The following NSMCE1 variants were observed in gnomAD, a reference collection of about 807,000 sequenced individuals.
NSMCE1 encodes the protein NSE1 component of SMC5/6 complex, also known as non-structural maintenance of chromosomes element 1 homolog.
A neutral mutation model predicts 29.6 loss-of-function variants in NSMCE1; 18 were observed. The ratio of observed to expected loss-of-function variants is 0.61; its 90% CI spans 0.42 to 0.90. The LOEUF is 0.90. Among genes scored for constraint, NSMCE1 ranks in the 40% least tolerant of loss-of-function variants. NSMCE1 has a pLI of 0.00. For missense variants in NSMCE1, 314 were observed against 343.6 expected (o/e 0.91, Z 0.68); for synonymous variants, 124 against 133.4 (o/e 0.93, Z 0.49).
chr16:27,225,168 T>C lies in NSMCE1; in HGVS notation c.790A>G (p.Arg264Gly), dbSNP rs2083673690. ...GCAGGGCACGATGGCTAATGCTGCCTGGACCGCAGGGACTTTTTGTTCGAT... is the reference window on the plus strand; with the variant it reads ...GCAGGGCACGATGGCTAATGCTGCCCGGACCGCAGGGACTTTTTGTTCGAT... The part of the protein sequence containing the change: ...LKSNKKSLRS[R>G]QH Residue 264 changes from arginine to glycine, a missense_variant, in exon 8 of 8, where the codon AGG (arginine) becomes GGG (glycine). Coordinates refer to ENST00000361439, the MANE Select transcript of NSMCE1 (RefSeq NM_145080.4). 2 of 1,600,802 alleles carry C rather than the reference T, an allele frequency of 1.2e-6. No individual in the cohort carries two copies. The highest frequency in any genetic ancestry group is 1.7e-6 in the Non-Finnish European group (2 of 1,171,462).
At chr16:27,227,888 C>T (rs2083717137) in intron 5 of NSMCE1, among the ~76,000 whole-genome samples, 1 of 151,282 alleles carries the variant, frequency 6.6e-6, no homozygotes, top group African/African-American at 2.4e-5. Flanking sequence ...CGGGTTCAAG[C>T]AATTCTCCTG....
chr16:27,226,073 G>A, intron 6 of NSMCE1: 1 of 481,460 alleles, frequency 2.1e-6, no homozygotes. Flanking sequence ...CATGAACGCA[G>A]TGACAGAAGC....
intron 5 of NSMCE1, chr16:27,230,873 G>A (rs896498890): frequency 2.0e-5 from 3 of 152,442 alleles, no homozygotes; most frequent in Non-Finnish European, 2.9e-5. Context: ...GAGTACAAGC[G>A]CCTGCAGCCA....
At chr16:27,238,543 T>TTTA (rs71272473) in intron 2 of NSMCE1, among the ~76,000 whole-genome samples, 1 of 148,448 alleles carries the variant, frequency 6.7e-6, no homozygotes, top group Non-Finnish European at 1.5e-5. Flanking sequence ...GCCTTTTTTC[T>TTTA]TTTTTTTTTT....
At chr16:27,259,751 A>G (rs4787418) in intron 1 of NSMCE1, among the ~76,000 whole-genome samples, 64,821 of 152,026 alleles carry the variant, frequency 0.43, 15,285 homozygotes, top group African/African-American at 0.63. Context: ...GCTCATCCTA[A>G]TAAAACCACA....
At chr16:27,235,998 C>T (rs1454918633) in intron 2 of NSMCE1, among the ~76,000 whole-genome samples, 1 of 152,210 alleles carries the variant, frequency 6.6e-6, no homozygotes, top group African/African-American at 2.4e-5. Context: ...TGAACTGACT[C>T]GCCCAGAGTT....
chr16:27,251,159 A>AATATATATATAT (rs1166070119), intron 2 of NSMCE1, among the ~76,000 whole-genome samples: 238 of 65,708 alleles, frequency 3.6e-3, no homozygotes, highest in East Asian at 9.7e-3. Flanking sequence ...AATTATTTAA[A>AATATATATATAT]ATATATATAT....
chr16:27,244,442 T>G (rs2083930249), intron 2 of NSMCE1, among the ~76,000 whole-genome samples: 1 of 152,140 alleles, frequency 6.6e-6, no homozygotes, highest in Non-Finnish European at 1.5e-5. Context: ...TGCAGCTGAG[T>G]GGAGCCAGGT....
In NSMCE1 at chr16:27,232,263, G is replaced by A. The variant is rs2083770567; in HGVS notation, c.483+738C>T. Among the ~76,000 whole-genome samples, 1 of 152,176 alleles carries A rather than the reference G, an allele frequency of 6.6e-6. No homozygotes were observed. The highest frequency in any genetic ancestry group is 2.1e-4 in the South Asian group (1 of 4,824). The stretch of plus-strand genomic sequence containing the variant: ...TGGGAGGCACAGCTGTGGTCAACTC[G>A]GCAAACACTGAGCTGTTGAAAACAG... On this transcript the variant is annotated intron_variant, in intron 5 of 7. Transcript: ENST00000361439. This position sits in a 1 kb window ranked among gnomAD's most constrained non-coding sequence, Gnocchi z 4.5.
In NSMCE1 at chr16:27,225,088, CT is replaced by C; in HGVS notation, c.*68del. 1 of 885,682 alleles carries C rather than the reference CT, an allele frequency of 1.1e-6. No individual in the cohort carries two copies. The highest frequency in any genetic ancestry group is 1.8e-6 in the Non-Finnish European group (1 of 540,768). 54.9% of individuals were successfully genotyped at this position (885,682 alleles called of 1,614,324 possible). A position where few individuals can be genotyped will look rare whatever the true frequency, so the allele number is the denominator to read the frequency against. On this transcript the variant is annotated 3_prime_UTR_variant, in exon 8 of 8. Coordinates refer to ENST00000361439, the MANE Select transcript of NSMCE1 (RefSeq NM_145080.4). The stretch of plus-strand genomic sequence containing the variant: ...CGCGTGGAACCTGAAACACGGACGC[CT>C]TTCTTCCAAGAAGGGCTGTGGCGAT...
intron 2 of NSMCE1, among the ~76,000 whole-genome samples, chr16:27,243,681 C>T (rs4536480): frequency 0.29 from 44,108 of 152,070 alleles, 7,585 homozygotes; most frequent in African/African-American, 0.45. Context: ...GATGGGGTCT[C>T]GCTCTGTCAT....
chr16:27,248,942 C>T (rs1332012456), intron 2 of NSMCE1, among the ~76,000 whole-genome samples: 1 of 152,170 alleles, frequency 6.6e-6, no homozygotes, highest in Non-Finnish European at 1.5e-5. Flanking sequence ...AACCCTCCCA[C>T]ATCAGCCTCC....
At chr16:27,241,117 A>G (rs2083889027) in intron 2 of NSMCE1, among the ~76,000 whole-genome samples, 1 of 152,170 alleles carries the variant, frequency 6.6e-6, no homozygotes, top group Non-Finnish European at 1.5e-5. Flanking sequence ...ATGTAATGTT[A>G]CCAATGAGCC....
intron 2 of NSMCE1, among the ~76,000 whole-genome samples, chr16:27,237,226 A>G (rs1437690660): frequency 2.0e-5 from 3 of 152,250 alleles, no homozygotes; most frequent in Admixed American, 2.0e-4. Flanking sequence ...GTAACATATG[A>G]CAATGACATC....
chr16:27,250,088 T>A (rs2084006888), intron 2 of NSMCE1, among the ~76,000 whole-genome samples: 1 of 152,264 alleles, frequency 6.6e-6, no homozygotes, highest in Admixed American at 6.5e-5. Context: ...GAGAAACAAT[T>A]GGTATTTGGA....
chr16:27,267,500 AAGG>A (rs1488090772), intron 1 of NSMCE1, among the ~76,000 whole-genome samples: 1 of 152,114 alleles, frequency 6.6e-6, no homozygotes, highest in East Asian at 1.9e-4. Flanking sequence ...TCCTGTTTTC[AAGG>A]ACACTCTCTA....
intron 2 of NSMCE1, among the ~76,000 whole-genome samples, chr16:27,239,267 C>T (rs1282351367): frequency 6.6e-6 from 1 of 152,206 alleles, no homozygotes; most frequent in Non-Finnish European, 1.5e-5. Context: ...CACCAGATCG[C>T]TGCTTCCCAG....
intron 6 of NSMCE1, chr16:27,226,484 G>T: frequency 2.0e-6 from 1 of 498,274 alleles, no homozygotes; most frequent in Non-Finnish European, 3.6e-6. Context: ...AAGTAAGCGA[G>T]GGCCCTTGGA....
At chr16:27,256,645 G>C (rs973919701) in intron 2 of NSMCE1, among the ~76,000 whole-genome samples, 1 of 152,180 alleles carries the variant, frequency 6.6e-6, no homozygotes, top group Non-Finnish European at 1.5e-5. Flanking sequence ...TAATTCGACT[G>C]ATCTATCAAC....
Sources: gnomAD v4.1 joint callset for allele counts (sites outside exome capture counted in the v4.1 genomes callset) on GRCh38, gnomAD v4.1.1 for gene constraint, Gnocchi (gnomAD v3.1) non-coding constraint, MANE v1.5 for transcripts, NCBI Gene and HGNC (gene_info 2026-07-23, HGNC 2026-07-21) for gene names.